Variants in PET100 observed in about 807,000 individuals in gnomAD.
PET100 encodes the protein protein PET100 homolog, mitochondrial.
Under a neutral mutation model 13.6 loss-of-function variants are expected in PET100, and 13 were observed. The ratio of observed to expected loss-of-function variants is 0.96; its 90% confidence interval spans 0.62 to 1.52. PET100 has a LOEUF of 1.52. Ranked by LOEUF, PET100 falls within the 40% of genes most tolerant of loss-of-function variation. PET100 has a pLI of 0.00. For missense variants in PET100, 94 were observed against 95.3 expected (o/e 0.99, Z 0.06); for synonymous variants, 28 against 30.8 (o/e 0.91, Z 0.30).
rs533848479 is a variant in PET100 at position 7,631,254 on chromosome 19, AGAG to A, written c.139-215_139-213del. 4.0e-3 allele frequency: 5,600 copies of A among 1,414,414 alleles called. 10 individuals are homozygous for A. The highest frequency in any genetic ancestry group is 4.8e-3 in the Non-Finnish European group (5,284 of 1,090,142). 87.6% of individuals were successfully genotyped at this position (1,414,414 alleles called of 1,614,324 possible). On this transcript the variant is annotated intron_variant, in intron 3 of 3. Transcript: ENST00000594797. ...CAGCCATGAGTAAGGAACCGAGAGC[AGAG>A]GAGTAGATGGTTTCCTTATTGCCTT...
At chr19:7,630,024 C>T in intron 1 of PET100, 164 bp downstream of exon 1, 1 of 838,504 alleles carries the variant, frequency 1.2e-6, no homozygotes, top group Non-Finnish European at 1.7e-6. Context: ...AGAGGGGACG[C>T]TGGGCTGGGG....
Position 7,630,486 on chromosome 19 carries a change from C to T in PET100, c.28-87C>T. On this transcript the variant is annotated intron_variant, in intron 1 of 3. Coordinates refer to ENST00000594797, the MANE Select transcript of PET100 (RefSeq NM_001171155.2). ...GGCCGTAACGAGGCGCTTCTGGACT[C>T]TGCAGTAGGATGGGTCCCCCAGGCT... is the stretch of plus-strand genomic sequence containing the variant. The T allele has an allele frequency of 2.7e-6, 3 of 1,093,070 alleles. No homozygotes were observed. In the South Asian group the frequency reaches 4.0e-5, roughly 15 times the overall value. 67.7% of individuals were successfully genotyped at this position (1,093,070 alleles called of 1,614,324 possible).
chr19:7,630,977 G>A, intron 3 of PET100, 131 bp downstream of exon 3: 1 of 1,194,312 alleles, frequency 8.4e-7, no homozygotes, highest in African/African-American at 1.5e-5. Context: ...GGGAGGCTGA[G>A]GTGGGTAGAT....
At position 7,630,858 on chromosome 19, in the gene PET100, C is replaced by CA. The variant is rs1222167610; in HGVS notation, c.138+12_138+13insA. On this transcript the variant is annotated intron_variant, in intron 3 of 3. Transcript: ENST00000594797. ...GGCCACCTGAGAAGGTAAGTGATCT[C>CA]TTCTTCCTGCCAGAGGGATGGAGGA... The CA allele has an allele frequency of 3.3e-6, 5 of 1,537,130 alleles. No homozygotes were observed. In the African/African-American group the frequency reaches 5.5e-5, roughly 17 times the overall value.
At chr19:7,631,141 G>T in intron 3 of PET100, 2 of 886,086 alleles carry the variant, frequency 2.3e-6, no homozygotes, top group Non-Finnish European at 3.3e-6. Context: ...CCAGGAGGTG[G>T]AGGTTGCAGT....
rs1295076973 is a variant in PET100 at position 7,631,564 on chromosome 19, A to G, written c.*8A>G. On this transcript the variant is annotated 3_prime_UTR_variant, in exon 4 of 4. Coordinates refer to ENST00000594797, the MANE Select transcript of PET100 (RefSeq NM_001171155.2). ...GCCCAGCAGAACTCCTGAGGCCTCC[A>G]AGTGGGAGTCCTAGCCCCTCCCCTG... 2 of 1,534,026 alleles carry G rather than the reference A, an allele frequency of 1.3e-6. No homozygotes were observed. The highest frequency in any genetic ancestry group is 1.7e-6 in the Non-Finnish European group (2 of 1,145,120).
At position 7,631,759 on chromosome 19, in the gene PET100, G is replaced by A. The variant is rs778766420; in HGVS notation, c.*203G>A. The stretch of plus-strand genomic sequence containing the variant: ...GCCGAGAGCGGTCGGGTCCTGAGGG[G>A]TGAGCAGGGGTTGGGGACTGAGGGT... On this transcript the variant is annotated 3_prime_UTR_variant, in exon 4 of 4. Transcript: ENST00000594797. 9 of 1,429,952 alleles carry A rather than the reference G, an allele frequency of 6.3e-6. No homozygotes were observed. The highest frequency in any genetic ancestry group is 1.9e-4 in the Middle Eastern group (1 of 5,202). 88.6% of individuals were successfully genotyped at this position (1,429,952 alleles called of 1,614,324 possible).
intron 1 of PET100, 57 bp from the exon 2 acceptor site, chr19:7,630,516 G>T: frequency 7.3e-7 from 1 of 1,361,238 alleles, no homozygotes; most frequent in Non-Finnish European, 1.0e-6. Flanking sequence ...CAGGCTCTGA[G>T]GAGCCTCTGC....
chr19:7,631,067 G>C, intron 3 of PET100: 1 of 744,932 alleles, frequency 1.3e-6, no homozygotes, highest in East Asian at 2.8e-5. Flanking sequence ...ACTTAGCCAG[G>C]CATGGTGGCA....
At position 7,631,468 on chromosome 19, in the gene PET100, C is replaced by G. The variant is rs1442091007; in HGVS notation, c.139-5C>G. 1.3e-6 allele frequency: 2 copies of G among 1,535,730 alleles called. No individual in the cohort carries two copies. The highest frequency in any genetic ancestry group is 2.4e-5 in the South Asian group (2 of 83,930). The stretch of plus-strand genomic sequence containing the variant: ...TTCCTGTCCCACCCGCTTCTCCACC[C>G]CTAGCTTCAAGAGATAGAGGAATTC... On this transcript the variant is annotated splice_polypyrimidine_tract_variant and splice_region_variant and intron_variant, in intron 3 of 3. Coordinates refer to ENST00000594797, the MANE Select transcript of PET100 (RefSeq NM_001171155.2).
intron 1 of PET100, 159 bp from the exon 2 acceptor site, chr19:7,630,414 G>T (rs1055378351): frequency 6.3e-6 from 4 of 631,648 alleles, no homozygotes; most frequent in Non-Finnish European, 1.1e-5. Context: ...AGGTTTTAGG[G>T]TGCGAGGTTT....
chr19:7,629,921 G>A (rs1486329554), intron 1 of PET100, 61 bp downstream of exon 1: 3 of 1,468,478 alleles, frequency 2.0e-6, no homozygotes, highest in African/African-American at 2.8e-5. Flanking sequence ...ATCTGAAGAT[G>A]AGGTTGGAAA....
chr19:7,630,757 AC>A (rs1383743402), intron 2 of PET100, 65 bp from the exon 3 acceptor site: 3 of 1,536,166 alleles, frequency 2.0e-6, no homozygotes, highest in Non-Finnish European at 2.6e-6. Context: ...CCATAAGCCG[AC>A]CCTGCCCTGA....
At position 7,630,588 on chromosome 19, in the gene PET100, A is replaced by C; in HGVS notation, c.43A>C (p.Thr15Pro). The C allele has an allele frequency of 2.0e-6, 3 of 1,537,010 alleles. No individual in the cohort carries two copies. Among genetic ancestry groups the C allele is most frequent in the Non-Finnish European group, 2.6e-6 (3 of 1,146,742 alleles). The change falls in exon 2 of 4, where the codon ACT becomes CCT. Residue 15 changes from threonine to proline, a missense_variant. By Grantham distance (38) the Thr-to-Pro change is conservative (BLOSUM62 -1). Transcript: ENST00000594797. ...LEIFRMIIYLTFPVAMFWVSN... is the reference protein window; with the variant it reads ...LEIFRMIIYLPFPVAMFWVSN... Reference sequence around the variant, plus strand: ...GCCATTCCAGATGATAATCTACCTCACTTTCCCTGTGGCTATGTTCTGGGT... The same window carrying C: ...GCCATTCCAGATGATAATCTACCTCCCTTTCCCTGTGGCTATGTTCTGGGT...
intron 3 of PET100, 115 bp from the exon 4 acceptor site, chr19:7,631,358 C>A: frequency 7.4e-7 from 1 of 1,359,344 alleles, no homozygotes; most frequent in South Asian, 1.6e-5. Context: ...GACACTGAAC[C>A]CTGAAGCCGT....
At chr19:7,629,960 C>T (rs1325789590) in intron 1 of PET100, 100 bp downstream of exon 1, 1 of 1,335,420 alleles carries the variant, frequency 7.5e-7, no homozygotes, top group Non-Finnish European at 9.9e-7. Context: ...AGAGGGAGCT[C>T]CAAGGAGAAA....
chr19:7,630,930 C>T (rs963682043), intron 3 of PET100, 84 bp downstream of exon 3: 20 of 1,497,842 alleles, frequency 1.3e-5, no homozygotes, highest in Non-Finnish European at 1.8e-5. Flanking sequence ...AAATTTTAGG[C>T]CAGGCGCAGT....
intron 3 of PET100, 116 bp from the exon 4 acceptor site, chr19:7,631,357 C>T (rs1568457673): frequency 7.2e-7 from 1 of 1,381,430 alleles, no homozygotes; most frequent in Admixed American, 3.0e-5. Flanking sequence ...AGACACTGAA[C>T]CCTGAAGCCG....
rs572151395 is a variant in PET100 at position 7,631,238 on chromosome 19, G to A, written c.139-235G>A. 6 of 1,410,028 alleles carry A rather than the reference G, an allele frequency of 4.3e-6. No individual in the cohort carries two copies. In the Admixed American group the frequency reaches 1.8e-4, roughly 43 times the overall value. The allele number at this position is 1,410,028 out of a possible 1,614,324, so 87.3% of individuals were successfully genotyped here. A position where few individuals can be genotyped will look rare whatever the true frequency, so the allele number is the denominator to read the frequency against. On this transcript the variant is annotated intron_variant, in intron 3 of 3. Coordinates refer to ENST00000594797, the MANE Select transcript of PET100 (RefSeq NM_001171155.2). ...AGAAACATTTTACTCTCAGCCATGAGTAAGGAACCGAGAGCAGAGGAGTAG... is the reference window on the plus strand; with the variant it reads ...AGAAACATTTTACTCTCAGCCATGAATAAGGAACCGAGAGCAGAGGAGTAG...
Sources: allele counts gnomAD v4.1 joint callset, GRCh38; gene constraint gnomAD v4.1.1; transcripts MANE v1.5; gene names NCBI Gene and HGNC (gene_info 2026-07-23, HGNC 2026-07-21).